The following WDR73 variants were observed in gnomAD, a reference collection of about 807,000 sequenced individuals.
The protein encoded by WDR73 is WD repeat domain 73, also known as integrator complex assembly factor WDR73.
WDR73 carries 30 observed loss-of-function variants against 38.2 expected under a neutral mutation model. That is an observed-to-expected ratio of 0.79 (90% CI 0.59 to 1.06). The LOEUF (loss-of-function observed/expected upper bound fraction) is 1.06, where lower values mean the gene tolerates loss of function less well. Among genes scored for constraint, WDR73 ranks in the 50% least tolerant of loss-of-function variants. The pLI, the probability that WDR73 is intolerant of heterozygous loss-of-function variation, is 0.00. For synonymous variants in WDR73, 197 were observed against 176.0 expected, an observed-to-expected ratio of 1.12 and a Z score of -0.94; for missense variants, 487 against 467.0, an observed-to-expected ratio of 1.04 and a Z score of -0.40.
intron 4 of WDR73, 189 bp from the exon 5 acceptor site, chr15:84,648,143 C>T (rs1896521178): frequency 1.6e-6 from 1 of 627,104 alleles, no homozygotes; most frequent in Admixed American, 2.5e-5. Flanking sequence ...GGAGACTGAG[C>T]CCAAGCTTCC....
At chr15:84,646,606 A>G (rs1175941933) in intron 5 of WDR73, 10 of 388,250 alleles carry the variant, frequency 2.6e-5, no homozygotes, top group African/African-American at 1.2e-4. Context: ...TCAAAACCCA[A>G]AAAGCAATTC....
chr15:84,645,798 G>A lies in WDR73; in HGVS notation c.556C>T (p.Leu186=), dbSNP rs1436088717. ...DSEELSSLQV[L]DADTFAFCCA... ...CAGAAGGCAAAGGTGTCTGCATCTAGGACCTGCAGGCTACTCAGCTCCTCA... is the reference window on the plus strand; with the variant it reads ...CAGAAGGCAAAGGTGTCTGCATCTAAGACCTGCAGGCTACTCAGCTCCTCA... Residue 186 remains leucine, a synonymous_variant, in exon 7 of 8, where the codon CTA becomes TTA. Transcript: ENST00000434634. 2 of 1,613,642 alleles carry A rather than the reference G, an allele frequency of 1.2e-6. No individual in the cohort carries two copies. The highest frequency in any genetic ancestry group is 1.7e-6 in the Non-Finnish European group (2 of 1,179,808).
intron 3 of WDR73, among the ~76,000 whole-genome samples, chr15:84,649,616 T>G (rs1036716737): frequency 4.6e-5 from 7 of 151,974 alleles, no homozygotes; most frequent in African/African-American, 1.7e-4. Flanking sequence ...ACTACAGGTG[T>G]GCACCACCAC....
At position 84,653,875 on chromosome 15, in the gene WDR73, T is replaced by C. The variant is rs1896704042; in HGVS notation, c.42-176A>G. On this transcript the variant is annotated intron_variant, in intron 1 of 7. Transcript: ENST00000434634. ...GACCAGGCCAGTCCCTTGATGTCCC[T>C]GAGCCTCGGTCCTCATGTGTGGACG... The C allele has an allele frequency of 4.7e-6, 3 of 637,882 alleles. No homozygotes were observed. The South Asian group carries it at 5.5e-5, about 12-fold the overall frequency. The allele number at this position is 637,882 out of a possible 1,614,324, so 39.5% of individuals were successfully genotyped here.
At chr15:84,646,477 T>C (rs565660525) in intron 5 of WDR73, 129 bp from the exon 6 acceptor site, 915 of 1,403,974 alleles carry the variant, frequency 6.5e-4, no homozygotes, top group Non-Finnish European at 8.3e-4. Flanking sequence ...TGGCAAGAGA[T>C]GATGTTGAGA....
Position 84,645,788 on chromosome 15 carries a change from T to C in WDR73, c.566A>G (p.Asp189Gly). The change falls in exon 7 of 8, where the codon GAC (aspartate) becomes GGC (glycine). Residue 189 changes from aspartate to glycine, a missense_variant. Physicochemically the swap from Asp to Gly is moderately conservative, Grantham distance 94 (BLOSUM62 -1). Coordinates refer to ENST00000434634, the MANE Select transcript of WDR73 (RefSeq NM_032856.5). ...TGAAGCACAGCAGAAGGCAAAGGTG[T>C]CTGCATCTAGGACCTGCAGGCTACT... Reference protein sequence around the residue: ...ELSSLQVLDADTFAFCCASGR... With the variant: ...ELSSLQVLDAGTFAFCCASGR... 5.6e-6 allele frequency: 9 copies of C among 1,613,516 alleles called. No individual in the cohort carries two copies. In the African/African-American group the frequency reaches 6.7e-5, roughly 12 times the overall value.
At chr15:84,645,301 G>C in intron 7 of WDR73, 170 bp downstream of exon 7, 3 of 1,509,614 alleles carry the variant, frequency 2.0e-6, no homozygotes, top group Non-Finnish European at 2.7e-6. Flanking sequence ...TAGTAGCCAG[G>C]GTAGGAAAAG....
rs1345543811 is a variant in WDR73, at chr15:84,639,383, A to C, written c.*4087T>G. On this transcript the variant is annotated 3_prime_UTR_variant, in exon 8 of 8. Transcript: ENST00000434634. ...TTTTTTCTAGTTGTTCTTTTCACTGAGCTTTCCCAAGAATCCCCCCAGAAT... is the reference window on the plus strand; with the variant it reads ...TTTTTTCTAGTTGTTCTTTTCACTGCGCTTTCCCAAGAATCCCCCCAGAAT... The C allele has an allele frequency of 6.6e-6, 1 of 151,600 alleles. No homozygotes were observed. The highest frequency in any genetic ancestry group is 1.5e-5 in the Non-Finnish European group (1 of 67,956). The allele number at this position is 151,600 out of a possible 1,614,324, so 9.4% of individuals were successfully genotyped here.
In WDR73 at chr15:84,643,083, G is replaced by A. The variant is rs1222309900; in HGVS notation, c.*387C>T. 5.5e-6 allele frequency: 1 copy of A among 183,348 alleles called. No individual in the cohort carries two copies. Among genetic ancestry groups the A allele is most frequent in the Non-Finnish European group, 1.1e-5 (1 of 87,500 alleles). 11.4% of individuals were successfully genotyped at this position (183,348 alleles called of 1,614,324 possible). On this transcript the variant is annotated 3_prime_UTR_variant, in exon 8 of 8. Coordinates refer to ENST00000434634, the MANE Select transcript of WDR73 (RefSeq NM_032856.5). The stretch of plus-strand genomic sequence containing the variant: ...ATTTCCTTAATTGCTACTAGGGCTG[G>A]GATTTTTTCATGTTTATTGGCCCCT...
chr15:84,645,522 G>C lies in WDR73; in HGVS notation c.832C>G (p.Leu278Val). The change falls in exon 7 of 8, where the codon CTG (leucine) becomes GTG (valine). Residue 278 changes from leucine to valine, a missense_variant. By Grantham distance (32) the Leu-to-Val change is conservative (BLOSUM62 1). Transcript: ENST00000434634. ...PVSVPSPDPELLRVTWAPGLK... is the reference protein window; with the variant it reads ...PVSVPSPDPEVLRVTWAPGLK... ...CCTGGGGCCCAAGTCACTCGCAGCA[G>C]CTCTGGGTCAGGGCTAGGTACGGAT... 6.2e-7 allele frequency: 1 copy of C among 1,612,526 alleles called. No homozygotes were observed. Among genetic ancestry groups the C allele is most frequent in the Non-Finnish European group, 8.5e-7 (1 of 1,179,250 alleles).
intron 6 of WDR73, 77 bp downstream of exon 6, chr15:84,646,105 TCA>T (rs1491513599): frequency 2.5e-6 from 4 of 1,599,812 alleles, no homozygotes; most frequent in Non-Finnish European, 3.4e-6. Flanking sequence ...AGAGTTGAAC[TCA>T]GTTTTTATAG....
Position 84,642,402 on chromosome 15 carries a change from C to G in WDR73, c.*1068G>C, listed in dbSNP as rs1437322334. 1.3e-5 allele frequency: 2 copies of G among 151,616 alleles called. No homozygotes were observed. Among genetic ancestry groups the G allele is most frequent in the African/African-American group, 4.8e-5 (2 of 41,290 alleles). 9.4% of individuals were successfully genotyped at this position (151,616 alleles called of 1,614,324 possible). ...TAGGAAGCCTCTCATTTATGTATTT[C>G]TAGCATGTAATTAGTGTTGCACATG... On this transcript the variant is annotated 3_prime_UTR_variant, in exon 8 of 8. Coordinates refer to ENST00000434634, the MANE Select transcript of WDR73 (RefSeq NM_032856.5).
chr15:84,650,967 T>C (rs556229769), intron 3 of WDR73, among the ~76,000 whole-genome samples: 59 of 151,956 alleles, frequency 3.9e-4, no homozygotes, highest in African/African-American at 1.4e-3. Flanking sequence ...ATACAAAAAT[T>C]AACCAGGTGT....
rs1261931467 is a variant in WDR73, at chr15:84,645,588, G to A, written c.766C>T (p.Arg256Trp). 4.3e-6 allele frequency: 7 copies of A among 1,610,982 alleles called. No homozygotes were observed. The highest frequency in any genetic ancestry group is 2.2e-5 in the East Asian group (1 of 44,732). Residue 256 changes from arginine (R) to tryptophan (W), a missense_variant, in exon 7 of 8, where the codon CGG (arginine) becomes TGG (tryptophan). Coordinates refer to ENST00000434634, the MANE Select transcript of WDR73 (RefSeq NM_032856.5). ...SDGRLCLLDP[R>W]DLCHPVSSVQ... Reference sequence around the variant, plus strand: ...GAGCTCACAGGATGGCAGAGATCCCGGGGGTCAAGAAGACAAAGACGCCCA... The same window carrying A: ...GAGCTCACAGGATGGCAGAGATCCCAGGGGTCAAGAAGACAAAGACGCCCA...
chr15:84,648,690 AG>A, intron 3 of WDR73, 65 bp from the exon 4 acceptor site: 3 of 1,314,896 alleles, frequency 2.3e-6, no homozygotes, highest in Non-Finnish European at 3.3e-6. Flanking sequence ...AGGAACTCTA[AG>A]TGAGGAGTCA....
chr15:84,648,140 G>A (rs1800694124), intron 4 of WDR73, 186 bp from the exon 5 acceptor site: 1 of 631,226 alleles, frequency 1.6e-6, no homozygotes, highest in Non-Finnish European at 2.9e-6. Context: ...TAGGGAGACT[G>A]AGCCCAAGCT....
At chr15:84,643,762 T>C (rs764561897) in intron 7 of WDR73, 39 bp from the exon 8 acceptor site, 7 of 1,536,228 alleles carry the variant, frequency 4.6e-6, no homozygotes, top group Non-Finnish European at 6.1e-6. Flanking sequence ...AATGAGTCCC[T>C]AATTTTATTT....
Position 84,643,326 on chromosome 15 carries a change from CTG to C in WDR73, c.*142_*143del, listed in dbSNP as rs1383343901. 2.1e-6 allele frequency: 2 copies of C among 964,344 alleles called. No homozygotes were observed. Among genetic ancestry groups the C allele is most frequent in the Non-Finnish European group, 3.0e-6 (2 of 663,596 alleles). 59.7% of individuals were successfully genotyped at this position (964,344 alleles called of 1,614,324 possible). On this transcript the variant is annotated 3_prime_UTR_variant, in exon 8 of 8. Transcript: ENST00000434634. ...TATCCTCATTTTACAGATAAGGAAA[CTG>C]AGGCTAAGTGACGCTGGCAGACTTG...
chr15:84,649,778 CT>C (rs1355652972), intron 3 of WDR73, among the ~76,000 whole-genome samples: 8 of 151,930 alleles, frequency 5.3e-5, no homozygotes. Context: ...TCTTTTTTAA[CT>C]TTTTAAATTT....
Sources: gnomAD v4.1 joint callset for allele counts (sites outside exome capture counted in the v4.1 genomes callset) on GRCh38, gnomAD v4.1.1 for gene constraint, MANE v1.5 for transcripts, NCBI Gene and HGNC (gene_info 2026-07-23, HGNC 2026-07-21) for gene names.